Variants in ADCY7 observed in about 807,000 individuals in gnomAD.
ADCY7 encodes adenylate cyclase type 7.
A neutral mutation model predicts 120.6 loss-of-function variants in ADCY7; 72 were observed. The observed-to-expected ratio is 0.60, with a 90% CI of 0.49 to 0.73. The LOEUF is 0.73. Among genes scored for constraint, ADCY7 ranks in the 30% least tolerant of loss-of-function variants. ADCY7 has a pLI of 0.00. For synonymous variants in ADCY7, 661 were observed against 628.0 expected (o/e 1.05, Z -0.78); for missense variants, 1,227 against 1,486.0 (o/e 0.83, Z 2.87).
Position 50,308,808 on chromosome 16 carries a change from G to T in ADCY7, c.2061+16G>T, listed in dbSNP as rs1400001140. 2.5e-6 allele frequency: 4 copies of T among 1,598,390 alleles called. No homozygotes were observed. Among genetic ancestry groups the T allele is most frequent in the Non-Finnish European group, 3.4e-6 (4 of 1,173,210 alleles). ...CATCAACCTGGTGGGTCCCGTGGTG[G>T]GGAGGCAGGCCTCCGGGGTAGAGGG... is the stretch of plus-strand genomic sequence containing the variant. On this transcript the variant is annotated intron_variant, in intron 17 of 25. Coordinates refer to ENST00000673801, the MANE Select transcript of ADCY7 (RefSeq NM_001114.5).
intron 18 of ADCY7, among the ~76,000 whole-genome samples, chr16:50,310,281 G>C (rs1161574181): frequency 6.6e-6 from 1 of 152,138 alleles, no homozygotes; most frequent in Non-Finnish European, 1.5e-5. Flanking sequence ...GGAGGTGCAG[G>C]AATGCCGGGG....
rs1312686974 is a variant in ADCY7, at chr16:50,312,086, G to C, written c.2499G>C (p.Lys833Asn). The change falls in exon 21 of 26, where the codon AAG becomes AAC. Residue 833 changes from lysine to asparagine, a missense_variant. By Grantham distance (94) the Lys-to-Asn change is moderately conservative. Transcript: ENST00000673801. ...LDCLWKKKFKKEHEEFETMEN... is the reference protein window; with the variant it reads ...LDCLWKKKFKNEHEEFETMEN... ...GCCTATGGAAGAAGAAGTTCAAGAA[G>C]GAGCACGAGGAGTTTGAGACCATGG... The C allele has an allele frequency of 3.1e-6, 5 of 1,614,130 alleles. No homozygotes were observed. Among genetic ancestry groups the C allele is most frequent in the African/African-American group, 1.3e-5 (1 of 74,942 alleles).
intron 1 of ADCY7, among the ~76,000 whole-genome samples, chr16:50,246,719 G>T (rs138926518): frequency 4.0e-4 from 61 of 152,016 alleles, no homozygotes; most frequent in African/African-American, 1.3e-3. Flanking sequence ...CCAGGGTCCA[G>T]GGGAGAGTGA....
At chr16:50,277,938 G>C (rs2034005548) in intron 1 of ADCY7, among the ~76,000 whole-genome samples, 1 of 152,006 alleles carries the variant, frequency 6.6e-6, no homozygotes, top group Non-Finnish European at 1.5e-5. Flanking sequence ...CCAAAGTGCT[G>C]GGATTACAGG....
chr16:50,246,360 C>A (rs1027459857), intron 1 of ADCY7, among the ~76,000 whole-genome samples: 1 of 151,952 alleles, frequency 6.6e-6, no homozygotes, highest in African/African-American at 2.4e-5. Context: ...GGGTGCCCGG[C>A]GGTGGCGGCT....
intron 19 of ADCY7, 24 bp from the exon 20 acceptor site, chr16:50,311,669 A>C: frequency 6.4e-7 from 1 of 1,564,724 alleles, no homozygotes; most frequent in Non-Finnish European, 8.8e-7. Flanking sequence ...GCTGGGAGTG[A>C]CTTGGGCCTC....
intron 1 of ADCY7, among the ~76,000 whole-genome samples, chr16:50,256,494 G>C (rs1296525856): frequency 1.3e-5 from 2 of 152,094 alleles, no homozygotes; most frequent in Non-Finnish European, 2.9e-5. Context: ...CTTGAGCCTG[G>C]GAGTTTGAGA....
At chr16:50,312,012 C>T (rs373291255) in intron 20 of ADCY7, 24 bp from the exon 21 acceptor site, 57 of 1,613,240 alleles carry the variant, frequency 3.5e-5, no homozygotes, top group Non-Finnish European at 4.3e-5. Flanking sequence ...GTGGACGGGG[C>T]GCTTATGTTG....
At chr16:50,247,942 C>T (rs1033650145) in intron 1 of ADCY7, among the ~76,000 whole-genome samples, 1 of 152,174 alleles carries the variant, frequency 6.6e-6, no homozygotes. Context: ...GCTGAGCCCT[C>T]CCAGGGAGCC....
rs187300185 is a variant in ADCY7 at position 50,314,315 on chromosome 16, C to T, written c.2880C>T (p.His960=). The change falls in exon 24 of 26, where the codon CAC becomes CAT. Residue 960 remains histidine (H), a synonymous_variant. Transcript: ENST00000673801. ...AGGAGCTGGAGCGGCAGCATGCCCACATTGGTGTCATGGTGGAGTTCAGCA... is the reference window on the plus strand; with the variant it reads ...AGGAGCTGGAGCGGCAGCATGCCCATATTGGTGTCATGGTGGAGTTCAGCA... The part of the protein sequence containing the change: ...ENQELERQHA[H]IGVMVEFSIA... 8 of 1,614,188 alleles carry T rather than the reference C, an allele frequency of 5.0e-6. No individual in the cohort carries two copies. The Admixed American group carries it at 1.2e-4, about 24-fold the overall frequency.
Position 50,294,621 on chromosome 16 carries a change from C to G in ADCY7, c.837-19C>G. The G allele has an allele frequency of 2.2e-6, 3 of 1,341,838 alleles. No individual in the cohort carries two copies. Among genetic ancestry groups the G allele is most frequent in the Non-Finnish European group, 3.2e-6 (3 of 940,022 alleles). 83.1% of individuals were successfully genotyped at this position (1,341,838 alleles called of 1,614,324 possible). On this transcript the variant is annotated intron_variant, in intron 6 of 25. Coordinates refer to ENST00000673801, the MANE Select transcript of ADCY7 (RefSeq NM_001114.5). ...GGAGCCTGGCTCTGACACTCCCTCC[C>G]ACCCTGCCCCATCCCCAGCATCCTC... is the stretch of plus-strand genomic sequence containing the variant.
intron 1 of ADCY7, among the ~76,000 whole-genome samples, chr16:50,272,386 C>T (rs1316558594): frequency 6.6e-6 from 1 of 152,210 alleles, no homozygotes; most frequent in Non-Finnish European, 1.5e-5. Flanking sequence ...TCATGCTGGC[C>T]TCTGAAACAA....
rs2036522196 is a variant in ADCY7, at chr16:50,312,165, C to T, written c.2578C>T (p.His860Tyr). Residue 860 changes from histidine to tyrosine, a missense_variant, in exon 21 of 26, where the codon CAC becomes TAC. Transcript: ENST00000673801. ...ENVLPAHVAAHFIGDKLNEDW... is the reference protein window; with the variant it reads ...ENVLPAHVAAYFIGDKLNEDW... Reference sequence around the variant, plus strand: ...CGTCCTGCCAGCCCACGTGGCTGCCCACTTTATCGGTGACAAGTTAAACGA... The same window carrying T: ...CGTCCTGCCAGCCCACGTGGCTGCCTACTTTATCGGTGACAAGTTAAACGA... 1.2e-6 allele frequency: 2 copies of T among 1,614,020 alleles called. No individual in the cohort carries two copies. Among genetic ancestry groups the T allele is most frequent in the Admixed American group, 1.7e-5 (1 of 59,992 alleles).
chr16:50,277,668 GTT>G lies in ADCY7; in HGVS notation c.-268-10225_-268-10224del, dbSNP rs755335071. ...CCATTGTGCCTGGCTACCATGGTAG[GTT>G]TTTTTTTTTTTTTTTTTTGAGGCGG... On this transcript the variant is annotated intron_variant, in intron 1 of 25. Transcript: ENST00000673801. Among the ~76,000 whole-genome samples, 963 of 114,932 alleles carry G rather than the reference GTT, an allele frequency of 8.4e-3. 14 individuals carry two copies. Among genetic ancestry groups the G allele is most frequent in the Admixed American group, 0.027 (292 of 10,818 alleles). The allele number at this position is 114,932 out of a possible 152,430, so 75.4% of individuals were successfully genotyped here. A position where few individuals can be genotyped will look rare whatever the true frequency, so the allele number is the denominator to read the frequency against.
At chr16:50,276,970 G>A (rs1389457656) in intron 1 of ADCY7, among the ~76,000 whole-genome samples, 3 of 151,714 alleles carry the variant, frequency 2.0e-5, no homozygotes, top group Non-Finnish European at 4.4e-5. Flanking sequence ...AGTCACATAA[G>A]CAACACACTG....
In ADCY7 at chr16:50,288,238, C is replaced by T. The variant is rs200299180; in HGVS notation, c.59C>T (p.Ala20Val). ...GGCGAGGAGGGCCCTGACCAAGATG[C>T]GCTCTACGAGAAGTACCAGCTCACC... ...NEGEEGPDQDALYEKYQLTSQ... is the reference protein window; with the variant it reads ...NEGEEGPDQDVLYEKYQLTSQ... The change falls in exon 2 of 26, where the codon GCG becomes GTG. Residue 20 changes from alanine (A) to valine (V), a missense_variant. By Grantham distance (64) the Ala-to-Val change is moderately conservative. Transcript: ENST00000673801. 2.6e-5 allele frequency: 40 copies of T among 1,551,396 alleles called. No homozygotes were observed. The highest frequency in any genetic ancestry group is 1.2e-4 in the Admixed American group (6 of 51,044).
rs780803698 is a variant in ADCY7, at chr16:50,315,162, T to G, written c.3096+24T>G. On this transcript the variant is annotated intron_variant, in intron 25 of 25. Transcript: ENST00000673801. ...AGGTAAAGACCTATTGGGGAAGCAGTTGACTAAGGGGAAAAGATCTTCCCC... is the reference window on the plus strand; with the variant it reads ...AGGTAAAGACCTATTGGGGAAGCAGGTGACTAAGGGGAAAAGATCTTCCCC... 3.1e-6 allele frequency: 5 copies of G among 1,613,084 alleles called. No individual in the cohort carries two copies. The South Asian group carries it at 3.3e-5, about 11-fold the overall frequency.
At chr16:50,305,293 C>T (rs1426218161) in intron 12 of ADCY7, among the ~76,000 whole-genome samples, 1 of 152,210 alleles carries the variant, frequency 6.6e-6, no homozygotes, top group Admixed American at 6.5e-5. Flanking sequence ...CGGGTCTGCC[C>T]TCTGCCTCTG....
In ADCY7 at chr16:50,301,234, G is replaced by A. The variant is rs558829954; in HGVS notation, c.1368+20G>A. 36 of 1,550,862 alleles carry A rather than the reference G, an allele frequency of 2.3e-5. No homozygotes were observed. In the East Asian group the frequency reaches 6.4e-4, roughly 28 times the overall value. On this transcript the variant is annotated intron_variant, in intron 10 of 25. Transcript: ENST00000673801. ...CCCCGGGTACGAGGGCTCAGAGGCCGCAGCTGGGGGGGACCCGGAGGGACT... is the reference window on the plus strand; with the variant it reads ...CCCCGGGTACGAGGGCTCAGAGGCCACAGCTGGGGGGGACCCGGAGGGACT...
Sources: allele counts gnomAD v4.1 joint callset (sites outside exome capture counted in the v4.1 genomes callset), GRCh38; gene constraint gnomAD v4.1.1; transcripts MANE v1.5; gene names NCBI Gene and HGNC (gene_info 2026-07-23, HGNC 2026-07-21).